The following CHCHD3 variants were observed in gnomAD, a reference collection of about 807,000 sequenced individuals.
The protein encoded by CHCHD3 is coiled-coil-helix-coiled-coil-helix domain containing 3, also known as MICOS complex subunit MIC19.
In CHCHD3, 20 loss-of-function variants were observed where a neutral mutation model predicts 38.2. The observed-to-expected ratio is 0.52, with a 90% CI of 0.37 to 0.76. The LOEUF (loss-of-function observed/expected upper bound fraction) is 0.76. CHCHD3 is among the 30% of genes least tolerant of loss of function. CHCHD3 has a pLI of 0.00. For missense variants in CHCHD3, 245 were observed against 279.2 expected, an observed-to-expected ratio of 0.88 and a Z score of 0.87; for synonymous variants, 82 against 100.0, an observed-to-expected ratio of 0.82 and a Z score of 1.07.
At chr7:132,971,002 TAAA>T (rs1324966041) in intron 4 of CHCHD3, among the ~76,000 whole-genome samples, 1 of 151,966 alleles carries the variant, frequency 6.6e-6, no homozygotes, top group African/African-American at 2.4e-5. Context: ...TAGTAAGACA[TAAA>T]AAAGAGTGAG....
At chr7:132,906,787 T>C (rs1809814264) in intron 4 of CHCHD3, among the ~76,000 whole-genome samples, 1 of 152,192 alleles carries the variant, frequency 6.6e-6, no homozygotes, top group Non-Finnish European at 1.5e-5. Context: ...TTCTGTCACC[T>C]GAGGTAGCCT....
chr7:132,981,163 G>GTT (rs372506290), intron 3 of CHCHD3, among the ~76,000 whole-genome samples: 3 of 143,158 alleles, frequency 2.1e-5, no homozygotes, highest in Non-Finnish European at 4.6e-5. Flanking sequence ...TTTTTGGGTT[G>GTT]TTTTTTTTTT....
intron 3 of CHCHD3, among the ~76,000 whole-genome samples, chr7:132,995,747 T>C (rs936060983): frequency 2.0e-5 from 3 of 152,208 alleles, no homozygotes; most frequent in African/African-American, 7.2e-5. Flanking sequence ...ATCAGGCCTA[T>C]GTGCTCCTTC....
At chr7:133,058,960 G>A (rs1246284146) in intron 2 of CHCHD3, among the ~76,000 whole-genome samples, 5 of 152,082 alleles carry the variant, frequency 3.3e-5, no homozygotes, top group African/African-American at 9.7e-5. Flanking sequence ...TCTCCCAGTC[G>A]TCCCCACACT....
chr7:132,858,987 A>T (rs1192088938), intron 5 of CHCHD3, among the ~76,000 whole-genome samples: 2 of 152,190 alleles, frequency 1.3e-5, no homozygotes, highest in African/African-American at 4.8e-5. Context: ...TGTCTGTGGC[A>T]CTGCCAGGGT....
At chr7:132,890,230 T>C (rs1809326980) in intron 4 of CHCHD3, among the ~76,000 whole-genome samples, 1 of 152,174 alleles carries the variant, frequency 6.6e-6, no homozygotes. Context: ...GATAGCTAGA[T>C]TAAAAGTGAA....
At chr7:132,977,089 T>C (rs1811786255) in intron 3 of CHCHD3, among the ~76,000 whole-genome samples, 1 of 152,180 alleles carries the variant, frequency 6.6e-6, no homozygotes, top group South Asian at 2.1e-4. Flanking sequence ...ATACAATAAA[T>C]TCAGCAACAT....
intron 4 of CHCHD3, chr7:132,886,898 G>A: frequency 1.1e-6 from 1 of 902,658 alleles, no homozygotes; most frequent in African/African-American, 1.7e-5. Context: ...AGATGTCAAG[G>A]TGCCTGTCTA....
intron 5 of CHCHD3, among the ~76,000 whole-genome samples, chr7:132,866,708 T>C (rs1043004778): frequency 6.6e-6 from 1 of 152,186 alleles, no homozygotes. Flanking sequence ...TCATTTGAAC[T>C]CAACATAGAA....
At chr7:133,029,143 G>C (rs1331629833) in intron 2 of CHCHD3, among the ~76,000 whole-genome samples, 2 of 152,036 alleles carry the variant, frequency 1.3e-5, no homozygotes, top group Non-Finnish European at 1.5e-5. Context: ...TAAGCAGTTT[G>C]GTTTTTCCAG....
chr7:132,909,264 C>G (rs117731539), intron 4 of CHCHD3, among the ~76,000 whole-genome samples: 1 of 152,104 alleles, frequency 6.6e-6, no homozygotes, highest in African/African-American at 2.4e-5. Flanking sequence ...GAGGCTGAAG[C>G]AGATGGATCA....
At chr7:133,024,457 A>G (rs1211197684) in intron 3 of CHCHD3, 89 bp downstream of exon 3, 2 of 991,800 alleles carry the variant, frequency 2.0e-6, no homozygotes, top group Non-Finnish European at 3.2e-6. Flanking sequence ...TACACAAATA[A>G]TGAGACTTAT....
At chr7:132,786,620 G>A (rs762592021) in intron 7 of CHCHD3, among the ~76,000 whole-genome samples, 1 of 152,070 alleles carries the variant, frequency 6.6e-6, no homozygotes, top group Non-Finnish European at 1.5e-5. Flanking sequence ...GGCAAGGTGA[G>A]GCCGAGGTTG....
chr7:132,951,986 G>A (rs940912940), intron 4 of CHCHD3, among the ~76,000 whole-genome samples: 3 of 152,204 alleles, frequency 2.0e-5, no homozygotes, highest in African/African-American at 4.8e-5. Context: ...GAGGAAAGAT[G>A]AGTAGAAATA....
At chr7:132,930,163 ATT>A (rs769791949) in intron 4 of CHCHD3, among the ~76,000 whole-genome samples, 10 of 127,450 alleles carry the variant, frequency 7.8e-5, no homozygotes, top group Non-Finnish European at 3.3e-5. Context: ...CCCACTCCTA[ATT>A]TTTTTTTTTT....
chr7:132,854,200 AT>A (rs1425088301), intron 5 of CHCHD3, among the ~76,000 whole-genome samples: 1 of 152,192 alleles, frequency 6.6e-6, no homozygotes, highest in Non-Finnish European at 1.5e-5. Flanking sequence ...GTATACAAAA[AT>A]TTAGCTAAAA....
intron 5 of CHCHD3, among the ~76,000 whole-genome samples, chr7:132,859,772 A>G (rs1428777284): frequency 1.3e-5 from 2 of 152,112 alleles, no homozygotes; most frequent in African/African-American, 4.8e-5. Flanking sequence ...TTCAGACCTC[A>G]GGGCTGTTCA....
chr7:132,954,373 G>A (rs564200712), intron 4 of CHCHD3, among the ~76,000 whole-genome samples: 40 of 152,306 alleles, frequency 2.6e-4, no homozygotes, highest in African/African-American at 9.1e-4. Context: ...TCTGTTACAA[G>A]AGGAAGCTCA....
At chr7:132,965,283 C>T (rs1811433194) in intron 4 of CHCHD3, among the ~76,000 whole-genome samples, 1 of 152,032 alleles carries the variant, frequency 6.6e-6, no homozygotes, top group Non-Finnish European at 1.5e-5. Context: ...AATAAGATCA[C>T]CTCGGCACAG....
Sources: allele counts gnomAD v4.1 joint callset (sites outside exome capture counted in the v4.1 genomes callset), GRCh38; gene constraint gnomAD v4.1.1; transcripts MANE v1.5; gene names NCBI Gene and HGNC (gene_info 2026-07-23, HGNC 2026-07-21).